RALGPS1: variants seen among roughly 807,000 people sequenced by gnomAD.
RALGPS1 encodes the protein ras-specific guanine nucleotide-releasing factor RalGPS1.
RALGPS1 carries 19 observed loss-of-function variants against 78.8 expected under a neutral mutation model. The ratio of observed to expected loss-of-function variants is 0.24; its 90% CI spans 0.17 to 0.35. The LOEUF is 0.35. RALGPS1 is among the 10% of genes least tolerant of loss of function. RALGPS1 has a pLI of 1.00. For missense variants in RALGPS1, 454 were observed against 688.3 expected (o/e 0.66, Z 3.81); for synonymous variants, 228 against 256.3 (o/e 0.89, Z 1.06).
chr9:127,042,629 T>C (rs1354612095), intron 5 of RALGPS1, among the ~76,000 whole-genome samples: 1 of 152,212 alleles, frequency 6.6e-6, no homozygotes, highest in Non-Finnish European at 1.5e-5. Context: ...TGTGCTCTCT[T>C]ATCCGTTCTG....
At chr9:127,024,443 C>T (rs1356771818) in intron 4 of RALGPS1, among the ~76,000 whole-genome samples, 1 of 150,678 alleles carries the variant, frequency 6.6e-6, no homozygotes, top group African/African-American at 2.4e-5. Flanking sequence ...CTATGCTTTC[C>T]CTCCAGTTCT....
chr9:127,040,497 A>G (rs910625158), intron 5 of RALGPS1, among the ~76,000 whole-genome samples: 14 of 152,226 alleles, frequency 9.2e-5, no homozygotes, highest in African/African-American at 3.4e-4. Flanking sequence ...GGAATCCAGG[A>G]CATGGTGAGA....
chr9:127,081,757 G>C (rs1004413549), intron 8 of RALGPS1, among the ~76,000 whole-genome samples: 4 of 152,222 alleles, frequency 2.6e-5, no homozygotes, highest in African/African-American at 7.2e-5. Context: ...CTGCAGCAGT[G>C]GGGAGGGAAC....
intron 8 of RALGPS1, among the ~76,000 whole-genome samples, chr9:127,100,453 C>A (rs948318793): frequency 6.6e-6 from 1 of 152,188 alleles, no homozygotes; most frequent in South Asian, 2.1e-4. Flanking sequence ...TAGGTTTCCA[C>A]CAGCGCTGTT....
chr9:127,066,483 AT>A (rs1243336245), intron 7 of RALGPS1, among the ~76,000 whole-genome samples: 1 of 152,184 alleles, frequency 6.6e-6, no homozygotes, highest in Non-Finnish European at 1.5e-5. Flanking sequence ...TCTACTAGAA[AT>A]ACAAAAATTA....
At chr9:126,991,913 C>CT (rs2133229635) in intron 4 of RALGPS1, among the ~76,000 whole-genome samples, 1 of 152,318 alleles carries the variant, frequency 6.6e-6, no homozygotes, top group African/African-American at 2.4e-5. Context: ...GAGAAGGGCT[C>CT]TGGGCTCAGC....
Position 127,088,599 on chromosome 9 carries a change from G to C in RALGPS1, c.610+19243G>C, listed in dbSNP as rs553619650. ...GCATATATATGTGGTATACACATACGTGCACAAGGGAGGCTCATACACATG... is the reference window on the plus strand; with the variant it reads ...GCATATATATGTGGTATACACATACCTGCACAAGGGAGGCTCATACACATG... On this transcript the variant is annotated intron_variant, in intron 8 of 18. Transcript: ENST00000259351. 573 of 341,074 alleles carry C rather than the reference G, an allele frequency of 1.7e-3. 2 individuals carry two copies. The highest frequency in any genetic ancestry group is 2.1e-3 in the Non-Finnish European group (385 of 181,868). The allele number at this position is 341,074 out of a possible 1,614,324, so 21.1% of individuals were successfully genotyped here.
chr9:126,962,398 T>C, intron 2 of RALGPS1, 52 bp downstream of exon 2: 1 of 1,582,640 alleles, frequency 6.3e-7, no homozygotes, highest in Non-Finnish European at 8.7e-7. Flanking sequence ...TCCTTTCAGC[T>C]AACCCAGGCC....
chr9:126,963,100 T>A (rs1484636847), intron 2 of RALGPS1, among the ~76,000 whole-genome samples: 1 of 152,212 alleles, frequency 6.6e-6, no homozygotes, highest in Non-Finnish European at 1.5e-5. Context: ...TAAGTAAAGC[T>A]GTTGCTGCAG....
At chr9:126,999,504 C>T (rs942403910) in intron 4 of RALGPS1, among the ~76,000 whole-genome samples, 5 of 152,212 alleles carry the variant, frequency 3.3e-5, no homozygotes, top group Non-Finnish European at 7.3e-5. Flanking sequence ...CTCTTAACCC[C>T]TGGCACCACT....
At chr9:127,118,456 G>A (rs530714027) in intron 8 of RALGPS1, among the ~76,000 whole-genome samples, 1 of 152,332 alleles carries the variant, frequency 6.6e-6, no homozygotes, top group South Asian at 2.1e-4. Flanking sequence ...TCAATGAATT[G>A]ATTCTTTCTT....
rs2133074904 is a variant in RALGPS1, at chr9:126,987,371, C to T, written c.216+9626C>T. The stretch of plus-strand genomic sequence containing the variant: ...TGGGGGGCAGTTGGAAAGGGAATTT[C>T]AGGCAGAATGAATAACCCTTTGGAA... On this transcript the variant is annotated intron_variant, in intron 4 of 18. Coordinates refer to ENST00000259351, the MANE Select transcript of RALGPS1 (RefSeq NM_014636.3). Among the ~76,000 whole-genome samples, 4 of 152,268 alleles carry T rather than the reference C, an allele frequency of 2.6e-5. No homozygotes were observed. In the South Asian group the frequency reaches 8.3e-4, roughly 32 times the overall value.
chr9:127,094,678 C>T (rs1456689771), intron 8 of RALGPS1, among the ~76,000 whole-genome samples: 1 of 152,244 alleles, frequency 6.6e-6, no homozygotes, highest in Non-Finnish European at 1.5e-5. Flanking sequence ...CCAAAGGAAG[C>T]TCAGTGAGGG....
At chr9:126,960,328 G>T (rs1177375408) in intron 1 of RALGPS1, among the ~76,000 whole-genome samples, 1 of 150,740 alleles carries the variant, frequency 6.6e-6, no homozygotes, top group Non-Finnish European at 1.5e-5. Context: ...CCGCCTCCCG[G>T]GTTCAAGCAA....
intron 18 of RALGPS1, chr9:127,217,048 C>A: frequency 6.9e-7 from 1 of 1,456,780 alleles, no homozygotes. Flanking sequence ...AGTGGTAGCC[C>A]TGAGTAAAAC....
chr9:127,194,874 G>A (rs2061269304), intron 11 of RALGPS1, among the ~76,000 whole-genome samples: 1 of 152,208 alleles, frequency 6.6e-6, no homozygotes, highest in African/African-American at 2.4e-5. Context: ...AGAGTTGGTT[G>A]TCAGCCTTGG....
chr9:127,212,654 A>G lies in RALGPS1; in HGVS notation c.1381A>G (p.Ile461Val). The change falls in exon 16 of 19, where the codon ATA becomes GTA. Residue 461 changes from isoleucine to valine, a missense_variant. Ile to Val is a conservative substitution (Grantham distance 29). Coordinates refer to ENST00000259351, the MANE Select transcript of RALGPS1 (RefSeq NM_014636.3). This position sits in a 1 kb window ranked among gnomAD's most constrained non-coding sequence, Gnocchi z 6.0. ...ALSSWTRYWV[I>V]LSGSTLLYYG... ...GTCCTCGTGGACCAGGTACTGGGTC[A>G]TACTCTCAGGATCCACCCTCCTGTA... The G allele has an allele frequency of 6.2e-7, 1 of 1,613,328 alleles. No homozygotes were observed. Among genetic ancestry groups the G allele is most frequent in the Non-Finnish European group, 8.5e-7 (1 of 1,179,454 alleles).
chr9:126,944,283 C>T (rs2037051534), intron 1 of RALGPS1, among the ~76,000 whole-genome samples: 1 of 152,222 alleles, frequency 6.6e-6, no homozygotes, highest in South Asian at 2.1e-4. Flanking sequence ...TCTTTTGGCA[C>T]TTAGTGACAC....
Position 127,212,093 on chromosome 9 carries a change from T to A in RALGPS1, c.1248-38T>A, listed in dbSNP as rs764799819. 1 of 1,546,334 alleles carries A rather than the reference T, an allele frequency of 6.5e-7. No homozygotes were observed. The highest frequency in any genetic ancestry group is 1.8e-5 in the Admixed American group (1 of 54,240). The stretch of plus-strand genomic sequence containing the variant: ...GAGTGAGAGGGTGCTTGACCTCAGC[T>A]CCTCCAGGGCGATGTCTGACTGGTA... On this transcript the variant is annotated intron_variant, in intron 14 of 18. Coordinates refer to ENST00000259351, the MANE Select transcript of RALGPS1 (RefSeq NM_014636.3). The surrounding 1 kb of genome is among the most constrained non-coding windows in gnomAD (Gnocchi z 6.0).
Sources: gnomAD v4.1 joint callset for allele counts (sites outside exome capture counted in the v4.1 genomes callset) on GRCh38, gnomAD v4.1.1 for gene constraint, Gnocchi (gnomAD v3.1) non-coding constraint, MANE v1.5 for transcripts, NCBI Gene and HGNC (gene_info 2026-07-23, HGNC 2026-07-21) for gene names.